The following SLC13A1 variants were observed in gnomAD, a reference collection of about 807,000 sequenced individuals.
SLC13A1 encodes the protein Na(+)/sulfate cotransporter.
SLC13A1 carries 65 observed loss-of-function variants against 70.0 expected under a neutral mutation model. That is an observed-to-expected ratio of 0.93 (90% CI 0.76 to 1.14). The LOEUF is 1.14. Among genes scored for constraint, SLC13A1 ranks in the 50% most tolerant of loss-of-function variants. The probability of loss-of-function intolerance (pLI) is 0.00; values close to 1 mark genes in which losing one functional copy is unlikely to be tolerated. For synonymous variants in SLC13A1, 275 were observed against 250.5 expected (o/e 1.10, Z -0.92); for missense variants, 726 against 717.8 (o/e 1.01, Z -0.13).
intron 1 of SLC13A1, among the ~76,000 whole-genome samples, chr7:123,199,263 A>G (rs1024545276): frequency 1.5e-4 from 23 of 152,146 alleles, no homozygotes; most frequent in Non-Finnish European, 3.1e-4. Flanking sequence ...GTACACCACA[A>G]TGAAACAAAA....
chr7:123,153,520 A>C (rs565777078), intron 6 of SLC13A1, among the ~76,000 whole-genome samples: 27 of 152,166 alleles, frequency 1.8e-4, no homozygotes, highest in South Asian at 6.2e-4. Context: ...TGAACACAGA[A>C]GAGATGATAC....
At chr7:123,169,694 T>C (rs1376187715) in intron 3 of SLC13A1, among the ~76,000 whole-genome samples, 3 of 152,216 alleles carry the variant, frequency 2.0e-5, no homozygotes, top group Non-Finnish European at 2.9e-5. Flanking sequence ...TGACCACTTA[T>C]CTTCAAATGC....
At chr7:123,143,060 C>T (rs146739103) in intron 7 of SLC13A1, among the ~76,000 whole-genome samples, 604 of 152,276 alleles carry the variant, frequency 4.0e-3, no homozygotes, top group Non-Finnish European at 5.7e-3. Context: ...AGTGCCCTAA[C>T]TTGCTGTGGC....
At chr7:123,136,029 T>C (rs1439129233) in intron 7 of SLC13A1, among the ~76,000 whole-genome samples, 1 of 152,228 alleles carries the variant, frequency 6.6e-6, no homozygotes, top group Non-Finnish European at 1.5e-5. Context: ...TGATTTCCCA[T>C]TAACATTAGA....
intron 6 of SLC13A1, among the ~76,000 whole-genome samples, chr7:123,162,026 C>CTT (rs74273952): frequency 3.1e-5 from 4 of 131,082 alleles, no homozygotes; most frequent in African/African-American, 8.2e-5. Flanking sequence ...AAACATATTT[C>CTT]TTTTTTTTTT....
rs576828832 is a variant in SLC13A1 at position 123,137,035 on chromosome 7, C to A, written c.813-2506G>T. 1.2e-4 allele frequency among the ~76,000 whole-genome samples: 18 copies of A among 152,230 alleles called. No homozygotes were observed. The South Asian group carries it at 3.5e-3, about 30-fold the overall frequency. ...TCAATATGGATCAGATCATGTATAA[C>A]CTTGTAGCCAGTCCGAAAGTATGCG... On this transcript the variant is annotated intron_variant, in intron 7 of 14. Transcript: ENST00000194130.
At chr7:123,171,684 C>T (rs1470960149) in intron 3 of SLC13A1, 84 bp downstream of exon 3, 39 of 1,335,052 alleles carry the variant, frequency 2.9e-5, no homozygotes, top group South Asian at 1.9e-4. Context: ...ATTTCCTGGG[C>T]GTGAATTACT....
chr7:123,122,593 C>G (rs1793420357), intron 12 of SLC13A1, among the ~76,000 whole-genome samples: 1 of 152,022 alleles, frequency 6.6e-6, no homozygotes, highest in Non-Finnish European at 1.5e-5. Flanking sequence ...TAAGATTAGA[C>G]ATAATATAAT....
chr7:123,186,611 C>G (rs1187187827), intron 1 of SLC13A1: 1 of 407,622 alleles, frequency 2.5e-6, no homozygotes, highest in African/African-American at 2.1e-5. Context: ...ACTACCTCCT[C>G]AAGAGAACGA....
chr7:123,191,304 C>T (rs556870728), intron 1 of SLC13A1, among the ~76,000 whole-genome samples: 3 of 152,162 alleles, frequency 2.0e-5, no homozygotes, highest in Non-Finnish European at 4.4e-5. Context: ...AGCGATCAAT[C>T]CAGCTCTTTC....
chr7:123,114,993 G>T lies in SLC13A1; in HGVS notation c.*525C>A, dbSNP rs1793131958. On this transcript the variant is annotated 3_prime_UTR_variant, in exon 15 of 15. Transcript: ENST00000194130. ...AATTGGATTTTTTAAATGAGGAAAT[G>T]CACATATCATTTAGATTAAACTTTT... is the stretch of plus-strand genomic sequence containing the variant. 6.6e-6 allele frequency: 1 copy of T among 152,150 alleles called. No homozygotes were observed. The highest frequency in any genetic ancestry group is 2.1e-4 in the South Asian group (1 of 4,830). The allele number at this position is 152,150 out of a possible 1,614,324, so 9.4% of individuals were successfully genotyped here.
intron 6 of SLC13A1, among the ~76,000 whole-genome samples, chr7:123,154,025 T>C (rs1794640186): frequency 6.6e-6 from 1 of 152,030 alleles, no homozygotes; most frequent in Non-Finnish European, 1.5e-5. Flanking sequence ...TATAGACTAT[T>C]AGGGCAGACA....
chr7:123,198,645 C>T (rs2116704153), intron 1 of SLC13A1, among the ~76,000 whole-genome samples: 1 of 152,218 alleles, frequency 6.6e-6, no homozygotes. Flanking sequence ...ACTTTATTAG[C>T]TCACATGAAT....
chr7:123,196,384 A>G (rs950857370), intron 1 of SLC13A1, among the ~76,000 whole-genome samples: 1 of 152,108 alleles, frequency 6.6e-6, no homozygotes, highest in Non-Finnish European at 1.5e-5. Flanking sequence ...TACTAGGAAT[A>G]TATTTATTAT....
In SLC13A1 at chr7:123,159,446, C is replaced by G. The variant is rs183578797; in HGVS notation, c.660+8928G>C. Among the ~76,000 whole-genome samples the G allele has an allele frequency of 3.9e-4, 60 of 152,268 alleles. 1 individual carries two copies. In the East Asian group the frequency reaches 9.3e-3, roughly 24 times the overall value. On this transcript the variant is annotated intron_variant, in intron 6 of 14. Transcript: ENST00000194130. ...ACGTGAGGATGCAATGAGAAGGTAG[C>G]CTTGTACAAGCCAGAAAGAGAGGTC...
At chr7:123,138,432 C>G (rs1484258201) in intron 7 of SLC13A1, among the ~76,000 whole-genome samples, 1 of 152,016 alleles carries the variant, frequency 6.6e-6, no homozygotes, top group Admixed American at 6.6e-5. Context: ...GGGTATATAC[C>G]CTGCAGTGGG....
In SLC13A1 at chr7:123,181,027, T is replaced by C. The variant is rs754807944; in HGVS notation, c.174A>G (p.Thr58=). 6.2e-7 allele frequency: 1 copy of C among 1,612,868 alleles called. No individual in the cohort carries two copies. The highest frequency in any genetic ancestry group is 8.5e-7 in the Non-Finnish European group (1 of 1,179,182). Residue 58 remains threonine, a synonymous_variant, in exon 2 of 15, where the codon ACA becomes ACG. Transcript: ENST00000194130. ...WLTEALPLSV[T]ALLPSLMLPM... ...GTAACATTAAACTAGGTAGCAAAGCTGTTACCGACAGAGGCAATGCTTCTG... is the reference window on the plus strand; with the variant it reads ...GTAACATTAAACTAGGTAGCAAAGCCGTTACCGACAGAGGCAATGCTTCTG...
chr7:123,145,595 C>G (rs1269382824), intron 7 of SLC13A1, among the ~76,000 whole-genome samples: 1 of 152,160 alleles, frequency 6.6e-6, no homozygotes. Context: ...AGGTGCATTT[C>G]TTGTCTTAAA....
At chr7:123,121,958 G>C (rs1408165252) in intron 12 of SLC13A1, among the ~76,000 whole-genome samples, 2 of 152,106 alleles carry the variant, frequency 1.3e-5, no homozygotes, top group Non-Finnish European at 2.9e-5. Context: ...TGGGTATCCT[G>C]TAGACATTTG....
Sources: allele counts gnomAD v4.1 joint callset (sites outside exome capture counted in the v4.1 genomes callset), GRCh38; gene constraint gnomAD v4.1.1; transcripts MANE v1.5; gene names NCBI Gene and HGNC (gene_info 2026-07-23, HGNC 2026-07-21).